AIM2: variants seen among roughly 807,000 people sequenced by gnomAD.
The protein encoded by AIM2 is interferon-inducible protein AIM2.
A neutral mutation model predicts 27.7 loss-of-function variants in AIM2; 30 were observed. The observed-to-expected ratio is 1.08, with a 90% CI of 0.81 to 1.47. The LOEUF (loss-of-function observed/expected upper bound fraction) is 1.47. AIM2 is among the 40% of genes most tolerant of loss of function. The probability of loss-of-function intolerance (pLI) is 0.00; values close to 1 mark genes in which losing one functional copy is unlikely to be tolerated. For missense variants in AIM2, 358 were observed against 411.3 expected (o/e 0.87, Z 1.12); for synonymous variants, 141 against 145.3 (o/e 0.97, Z 0.21).
At chr1:159,115,496 A>G (rs1413892051) in intron 1 of AIM2, among the ~76,000 whole-genome samples, 1 of 152,210 alleles carries the variant, frequency 6.6e-6, no homozygotes, top group African/African-American at 2.4e-5. Flanking sequence ...ATATAGACCA[A>G]TGGAACAGAA....
intron 1 of AIM2, among the ~76,000 whole-genome samples, chr1:159,140,034 TCCCTTC>T (rs934849405): frequency 5.3e-5 from 8 of 152,100 alleles, no homozygotes; most frequent in African/African-American, 1.9e-4. Flanking sequence ...TTTCCTGAAC[TCCCTTC>T]CCCTTCCCCT....
At chr1:159,131,326 A>G (rs935852664) in intron 1 of AIM2, among the ~76,000 whole-genome samples, 4 of 152,214 alleles carry the variant, frequency 2.6e-5, no homozygotes, top group Non-Finnish European at 5.9e-5. Context: ...TTCTGTGTGT[A>G]TCATGACTGA....
At chr1:159,144,941 A>G (rs537765970), upstream of AIM2, among the ~76,000 whole-genome samples, 1 of 152,310 alleles carries the variant, frequency 6.6e-6, no homozygotes, top group South Asian at 2.1e-4. Context: ...TTCAGATAGC[A>G]CAGCCCTTAC....
downstream of AIM2, among the ~76,000 whole-genome samples, chr1:159,060,243 G>A (rs1467557898): frequency 1.3e-5 from 2 of 152,000 alleles, no homozygotes; most frequent in African/African-American, 2.4e-5. Flanking sequence ...TTAACCTAAC[G>A]GATAAGGAAT....
chr1:159,089,275 T>C (rs990761342), intron 1 of AIM2, among the ~76,000 whole-genome samples: 1 of 152,218 alleles, frequency 6.6e-6, no homozygotes. Flanking sequence ...AATAGAGGCT[T>C]AGCGGTGTTT....
At chr1:159,055,329 A>T in the AIM2 span, among the ~76,000 whole-genome samples, 2 of 152,198 alleles carry the variant, frequency 1.3e-5, no homozygotes, top group African/African-American at 4.8e-5. Flanking sequence ...TGTTCTGCTG[A>T]AAGAAACCAG....
chr1:159,079,175 T>G (rs559188392), upstream of AIM2, among the ~76,000 whole-genome samples: 7 of 151,800 alleles, frequency 4.6e-5, no homozygotes, highest in African/African-American at 1.4e-4. Context: ...ATCAGAGAGA[T>G]AAGAAAAGAC....
chr1:159,058,628 AG>A (rs1655730292), downstream of AIM2, among the ~76,000 whole-genome samples: 1 of 152,134 alleles, frequency 6.6e-6, no homozygotes, highest in Admixed American at 6.5e-5. Flanking sequence ...CAGAAGTCTG[AG>A]GATGAAAGGC....
intron 1 of AIM2, among the ~76,000 whole-genome samples, chr1:159,111,804 A>AC (rs1405305430): frequency 6.8e-4 from 101 of 149,516 alleles, no homozygotes; most frequent in African/African-American, 2.0e-3. Flanking sequence ...CAAAAAAAAA[A>AC]AAAAAAAAAA....
chr1:159,110,934 C>T (rs1657559819), intron 1 of AIM2, among the ~76,000 whole-genome samples: 1 of 152,122 alleles, frequency 6.6e-6, no homozygotes, highest in Non-Finnish European at 1.5e-5. Flanking sequence ...CTTGCAACAT[C>T]ACATTCCATT....
chr1:159,146,358 C>T (rs1648206568), intron 1 of AIM2, among the ~76,000 whole-genome samples: 2 of 152,076 alleles, frequency 1.3e-5, no homozygotes, highest in Admixed American at 1.3e-4. Flanking sequence ...GACCCTCTAT[C>T]CTGCTGTTTC....
At chr1:159,104,307 C>T (rs115837177) in intron 1 of AIM2, among the ~76,000 whole-genome samples, 1 of 152,080 alleles carries the variant, frequency 6.6e-6, no homozygotes, top group South Asian at 2.1e-4. Context: ...CCCACACTGC[C>T]CACAGCAGCA....
downstream of AIM2, among the ~76,000 whole-genome samples, chr1:159,058,272 C>G (rs142989393): frequency 0.042 from 6,360 of 151,858 alleles, 139 homozygotes; most frequent in Middle Eastern, 0.048. Context: ...TTGCTTGAAC[C>G]CGGGAGGCGG....
At chr1:159,096,611 T>C (rs1657186696) in intron 1 of AIM2, among the ~76,000 whole-genome samples, 1 of 152,170 alleles carries the variant, frequency 6.6e-6, no homozygotes, top group Admixed American at 6.5e-5. Context: ...TCTAAACTTT[T>C]CATAATTTCT....
chr1:159,104,115 G>A (rs1337396395), intron 1 of AIM2, among the ~76,000 whole-genome samples: 1 of 152,042 alleles, frequency 6.6e-6, no homozygotes, highest in African/African-American at 2.4e-5. Flanking sequence ...GAATACTAAT[G>A]CTGAATATGA....
At chr1:159,125,424 A>T (rs1170763038) in intron 1 of AIM2, among the ~76,000 whole-genome samples, 2 of 152,224 alleles carry the variant, frequency 1.3e-5, no homozygotes, top group Non-Finnish European at 2.9e-5. Context: ...TTCATTTTTA[A>T]ATAAACATTT....
intron 2 of AIM2, among the ~76,000 whole-genome samples, chr1:159,072,477 G>A (rs1278474075): frequency 6.6e-6 from 1 of 152,212 alleles, no homozygotes; most frequent in East Asian, 1.9e-4. Context: ...GAGTCCTTGA[G>A]TGATATGCTC....
At chr1:159,101,876 T>C (rs1014976590) in intron 1 of AIM2, among the ~76,000 whole-genome samples, 4 of 152,162 alleles carry the variant, frequency 2.6e-5, no homozygotes, top group African/African-American at 9.7e-5. Context: ...TTTGGAAAAT[T>C]TGCAGCCTGA....
In AIM2 at chr1:159,073,266, T is replaced by C; in HGVS notation, c.234A>G (p.Ala78=). 1 of 1,614,196 alleles carries C rather than the reference T, an allele frequency of 6.2e-7. No individual in the cohort carries two copies. Among genetic ancestry groups the C allele is most frequent in the South Asian group, 1.1e-5 (1 of 91,084 alleles). The part of the protein sequence containing the change: ...IFQKLNYMLL[A]KRLQEEKEKV... ...TCTCCTTCTCCTCCTGAAGACGTTT[T>C]GCCAAAAGCATATAATTCAACTTCT... Residue 78 remains alanine, a synonymous_variant, in exon 2 of 6, where the codon GCA becomes GCG. Coordinates refer to ENST00000368130, the MANE Select transcript of AIM2 (RefSeq NM_004833.3).
Sources: gnomAD v4.1 joint callset for allele counts (sites outside exome capture counted in the v4.1 genomes callset) on GRCh38, gnomAD v4.1.1 for gene constraint, MANE v1.5 for transcripts, NCBI Gene and HGNC (gene_info 2026-07-23, HGNC 2026-07-21) for gene names.